The following WDFY2 variants were observed in gnomAD, a reference collection of about 807,000 sequenced individuals.
The protein encoded by WDFY2 is WD repeat and FYVE domain containing 2.
In WDFY2, 36 loss-of-function variants were observed where a neutral mutation model predicts 56.4. The ratio of observed to expected loss-of-function variants is 0.64; its 90% CI spans 0.49 to 0.84. WDFY2 has a LOEUF of 0.84. Among genes scored for constraint, WDFY2 ranks in the 40% least tolerant of loss-of-function variants. The probability of loss-of-function intolerance (pLI) is 0.00; values close to 1 mark genes in which losing one functional copy is unlikely to be tolerated. For synonymous variants in WDFY2, 176 were observed against 183.7 expected (o/e 0.96, Z 0.34); for missense variants, 444 against 512.2 (o/e 0.87, Z 1.29).
At chr13:51,593,845 C>T (rs1336917913) in intron 1 of WDFY2, 1 of 152,018 alleles carries the variant, frequency 6.6e-6, no homozygotes, top group African/African-American at 2.4e-5. Flanking sequence ...TGTTGTTTGC[C>T]TTTTCATTTT....
chr13:51,664,173 A>G (rs56060382), intron 2 of WDFY2, among the ~76,000 whole-genome samples: 35 of 152,328 alleles, frequency 2.3e-4, no homozygotes, highest in African/African-American at 7.5e-4. Flanking sequence ...GGAGTTGCAG[A>G]CAAGAGAAAG....
chr13:51,646,982 A>T (rs769929526), intron 1 of WDFY2, among the ~76,000 whole-genome samples: 1 of 152,210 alleles, frequency 6.6e-6, no homozygotes, highest in African/African-American at 2.4e-5. Flanking sequence ...GAATGCGTAT[A>T]GACTTTTTTT....
chr13:51,651,745 C>T (rs1361252736), intron 1 of WDFY2, among the ~76,000 whole-genome samples: 2 of 152,122 alleles, frequency 1.3e-5, no homozygotes, highest in Admixed American at 1.3e-4. Context: ...TTTCTTAATG[C>T]TGAGTTCTAG....
At chr13:51,648,751 A>G (rs1312700230) in intron 1 of WDFY2, among the ~76,000 whole-genome samples, 1 of 152,174 alleles carries the variant, frequency 6.6e-6, no homozygotes, top group Admixed American at 6.5e-5. Context: ...ATAAAAATCA[A>G]TTTTGTTTTA....
At chr13:51,707,749 CT>C (rs1379291200) in intron 4 of WDFY2, among the ~76,000 whole-genome samples, 2 of 151,606 alleles carry the variant, frequency 1.3e-5, no homozygotes, top group African/African-American at 4.9e-5. Flanking sequence ...AGACAATTGA[CT>C]TTAAGTAAAG....
In WDFY2 at chr13:51,759,767, T is replaced by G; in HGVS notation, c.1201T>G (p.Ter401GlyextTer1). Reference sequence around the variant, plus strand: ...GTGGGATATGACCCCAGTCGTGTCTTGATGACTCTCCCAGGAATCAGAAAG... The same window carrying G: ...GTGGGATATGACCCCAGTCGTGTCTGGATGACTCTCCCAGGAATCAGAAAG... ...KLWDMTPVVS[*>G] The change falls in exon 12 of 12, where the codon TGA (stop) becomes GGA (glycine). Residue 401 changes from the stop codon to glycine, a stop_lost. Transcript: ENST00000298125. 6.2e-7 allele frequency: 1 copy of G among 1,614,066 alleles called. No homozygotes were observed. The highest frequency in any genetic ancestry group is 8.5e-7 in the Non-Finnish European group (1 of 1,179,924).
intron 1 of WDFY2, among the ~76,000 whole-genome samples, chr13:51,596,841 G>T (rs1005792940): frequency 6.6e-6 from 1 of 152,208 alleles, no homozygotes; most frequent in African/African-American, 2.4e-5. Context: ...AGAAGTTGCA[G>T]CTGTACACCA....
chr13:51,729,308 CCTT>C (rs1264035846), intron 6 of WDFY2, among the ~76,000 whole-genome samples: 3 of 152,056 alleles, frequency 2.0e-5, no homozygotes, highest in Middle Eastern at 3.4e-3. Context: ...TCAGTTCACT[CCTT>C]CTCCCAGGCC....
intron 1 of WDFY2, among the ~76,000 whole-genome samples, chr13:51,609,523 C>G (rs544924998): frequency 2.6e-5 from 4 of 152,028 alleles, no homozygotes; most frequent in African/African-American, 9.6e-5. Context: ...AAGACTGTAG[C>G]TCCTGGGACA....
In WDFY2 at chr13:51,655,828, A is replaced by G. The variant is rs184987276; in HGVS notation, c.138-4768A>G. Among the ~76,000 whole-genome samples the G allele has an allele frequency of 3.3e-5, 5 of 152,080 alleles. No homozygotes were observed. In the East Asian group the frequency reaches 9.7e-4, roughly 29 times the overall value. On this transcript the variant is annotated intron_variant, in intron 1 of 11. Coordinates refer to ENST00000298125, the MANE Select transcript of WDFY2 (RefSeq NM_052950.4). ...TGAGAAGTTTTTGATTATTGATTCA[A>G]TCTCTACTTGTAATAGGTTTGTTGA... is the stretch of plus-strand genomic sequence containing the variant.
intron 1 of WDFY2, among the ~76,000 whole-genome samples, chr13:51,659,590 T>C (rs1167195230): frequency 6.6e-6 from 1 of 152,234 alleles, no homozygotes; most frequent in Non-Finnish European, 1.5e-5. Context: ...GGCCTTTTTG[T>C]TTGGTCAGAA....
At chr13:51,688,285 T>C (rs1244641215) in intron 3 of WDFY2, among the ~76,000 whole-genome samples, 1 of 152,184 alleles carries the variant, frequency 6.6e-6, no homozygotes, top group African/African-American at 2.4e-5. Flanking sequence ...TATTTTTCTT[T>C]TGTGTTCATG....
intron 3 of WDFY2, among the ~76,000 whole-genome samples, chr13:51,686,842 A>T (rs1384109847): frequency 1.3e-5 from 2 of 152,132 alleles, no homozygotes; most frequent in East Asian, 3.9e-4. Context: ...GTAATAGCTT[A>T]GCAATTAGCC....
chr13:51,595,837 G>A (rs1411003543), intron 1 of WDFY2, among the ~76,000 whole-genome samples: 1 of 152,152 alleles, frequency 6.6e-6, no homozygotes, highest in African/African-American at 2.4e-5. Flanking sequence ...TATAAATAAA[G>A]GTGGGTATTG....
intron 3 of WDFY2, among the ~76,000 whole-genome samples, chr13:51,697,645 A>C (rs1322937464): frequency 1.3e-5 from 2 of 152,160 alleles, no homozygotes; most frequent in African/African-American, 2.4e-5. Context: ...AAAAAAAAAA[A>C]AAATGAAATG....
At chr13:51,638,828 C>A (rs1193188293) in intron 1 of WDFY2, among the ~76,000 whole-genome samples, 1 of 152,286 alleles carries the variant, frequency 6.6e-6, no homozygotes, top group South Asian at 2.1e-4. Context: ...TACGGAATGG[C>A]CTTTGGCGAA....
intron 1 of WDFY2, among the ~76,000 whole-genome samples, chr13:51,640,140 TAAATC>T (rs770879477): frequency 1.1e-4 from 16 of 152,218 alleles, no homozygotes; most frequent in Non-Finnish European, 2.4e-4. Flanking sequence ...TAAAGGATAT[TAAATC>T]AATTCAGATT....
chr13:51,663,718 T>C (rs1296731653), intron 2 of WDFY2, among the ~76,000 whole-genome samples: 2 of 152,214 alleles, frequency 1.3e-5, no homozygotes, highest in African/African-American at 4.8e-5. Context: ...GTCCTTCCTA[T>C]TGAGAGGGGT....
chr13:51,721,688 C>T (rs753805933), intron 5 of WDFY2, among the ~76,000 whole-genome samples: 7 of 152,146 alleles, frequency 4.6e-5, no homozygotes, highest in Non-Finnish European at 7.3e-5. Flanking sequence ...TGCAGTACTA[C>T]AGACAGGCCC....
Sources: gnomAD v4.1 joint callset for allele counts (sites outside exome capture counted in the v4.1 genomes callset) on GRCh38, gnomAD v4.1.1 for gene constraint, MANE v1.5 for transcripts, NCBI Gene and HGNC (gene_info 2026-07-23, HGNC 2026-07-21) for gene names.